TMEM130: variants seen among roughly 807,000 people sequenced by gnomAD.
TMEM130 encodes transmembrane protein 130.
Under a neutral mutation model 42.9 loss-of-function variants are expected in TMEM130, and 37 were observed. The observed-to-expected ratio is 0.86, with a 90% confidence interval of 0.66 to 1.13. The LOEUF (loss-of-function observed/expected upper bound fraction) is 1.13. Among genes scored for constraint, TMEM130 ranks in the 50% most tolerant of loss-of-function variants. The pLI is 0.00. For synonymous variants in TMEM130, 259 were observed against 237.7 expected (o/e 1.09, Z -0.82); for missense variants, 545 against 562.6 (o/e 0.97, Z 0.32).
rs1290884464 is a variant in TMEM130 at position 98,850,271 on chromosome 7, A to ATTTTTTTTT, written c.1006+1149_1006+1150insAAAAAAAAA. Among the ~76,000 whole-genome samples the ATTTTTTTTT allele has an allele frequency of 2.9e-3, 98 of 33,868 alleles. 1 individual carries two copies. Among genetic ancestry groups the ATTTTTTTTT allele is most frequent in the African/African-American group, 7.1e-3 (92 of 12,916 alleles). The allele number at this position is 33,868 out of a possible 152,430, so 22.2% of individuals were successfully genotyped here. On this transcript the variant is annotated intron_variant, in intron 6 of 7. Transcript: ENST00000339375. ...CTCTCATATATATATATATATATAT[A>ATTTTTTTTT]TATTTTTTTTTTTTTTTAATTTTTT...
chr7:98,867,994 T>A (rs1794946846), intron 1 of TMEM130, among the ~76,000 whole-genome samples: 2 of 152,194 alleles, frequency 1.3e-5, no homozygotes, highest in Admixed American at 1.3e-4. Context: ...TTTGGGAGGC[T>A]GAGACAGGTG....
At position 98,855,296 on chromosome 7, in the gene TMEM130, C is replaced by T; in HGVS notation, c.747G>A (p.Gly249=). The stretch of plus-strand genomic sequence containing the variant: ...TTTGGAAGGTCTGAATTAGGGTGGG[C>T]CCCAACACTTGGATGCCTCGAAGGG... ...QETLRGIQVL[G]PTLIQTFQKM... The change falls in exon 5 of 8, where the codon GGG becomes GGA. Residue 249 remains glycine (G), a synonymous_variant. Coordinates refer to ENST00000339375, the MANE Select transcript of TMEM130 (RefSeq NM_152913.3). 1 of 1,613,328 alleles carries T rather than the reference C, an allele frequency of 6.2e-7. No individual in the cohort carries two copies.
intron 6 of TMEM130, among the ~76,000 whole-genome samples, chr7:98,850,560 C>T (rs988089444): frequency 7.9e-5 from 12 of 151,840 alleles, no homozygotes; most frequent in East Asian, 3.9e-4. Flanking sequence ...ATTACAGGCA[C>T]GAGCCACCGC....
chr7:98,869,058 A>T lies in TMEM130; in HGVS notation c.85+719T>A. 1 of 625,084 alleles carries T rather than the reference A, an allele frequency of 1.6e-6. No homozygotes were observed. Among genetic ancestry groups the T allele is most frequent in the Non-Finnish European group, 2.2e-6 (1 of 444,616 alleles). The allele number at this position is 625,084 out of a possible 1,614,324, so 38.7% of individuals were successfully genotyped here. A position where few individuals can be genotyped will look rare whatever the true frequency, so the allele number is the denominator to read the frequency against. ...CAACCTTCTTAGCTGCCCACGTCCC[A>T]TCTGTCCCTCGAATAGTCTTAAATC... On this transcript the variant is annotated intron_variant, in intron 1 of 7. Coordinates refer to ENST00000339375, the MANE Select transcript of TMEM130 (RefSeq NM_152913.3). This position sits in a 1 kb window ranked among gnomAD's most constrained non-coding sequence, Gnocchi z 4.7.
rs781983674 is a variant in TMEM130 at position 98,848,119 on chromosome 7, A to G, written c.1209T>C (p.Ile403=). Residue 403 remains isoleucine, a synonymous_variant, in exon 8 of 8, where the codon ATT becomes ATC. Transcript: ENST00000339375. The part of the protein sequence containing the change: ...LLETPSEYLE[I]VRENHGLLPP... ...GGAGCAGCCCGTGGTTCTCACGAAC[A>G]ATTTCCAGGTACTCAGATGGAGTCT... The G allele has an allele frequency of 1.2e-6, 2 of 1,614,162 alleles. No individual in the cohort carries two copies. Among genetic ancestry groups the G allele is most frequent in the Non-Finnish European group, 8.5e-7 (1 of 1,180,020 alleles).
rs1794386275 is a variant in TMEM130 at position 98,847,553 on chromosome 7, A to C, written c.*503T>G. ...GTGTGTGTGTGTGTGGTGTGTGTAC[A>C]TGCACACTTCTCTCTGTGAGTGTGC... is the stretch of plus-strand genomic sequence containing the variant. On this transcript the variant is annotated 3_prime_UTR_variant, in exon 8 of 8. Transcript: ENST00000339375. The C allele has an allele frequency of 6.5e-6, 1 of 153,144 alleles. No individual in the cohort carries two copies. Among genetic ancestry groups the C allele is most frequent in the Non-Finnish European group, 1.4e-5 (1 of 69,022 alleles). 9.5% of individuals were successfully genotyped at this position (153,144 alleles called of 1,614,324 possible). A position where few individuals can be genotyped will look rare whatever the true frequency, so the allele number is the denominator to read the frequency against.
intron 5 of TMEM130, among the ~76,000 whole-genome samples, chr7:98,852,746 C>T (rs1554398468): frequency 6.6e-6 from 1 of 151,966 alleles, no homozygotes; most frequent in East Asian, 2.0e-4. Context: ...AGGCATGCAC[C>T]ACCGTGCCTG....
In TMEM130 at chr7:98,863,277, T is replaced by G. The variant is rs1584244552; in HGVS notation, c.209A>C (p.Tyr70Ser). The G allele has an allele frequency of 6.2e-7, 1 of 1,613,036 alleles. No individual in the cohort carries two copies. Among genetic ancestry groups the G allele is most frequent in the Non-Finnish European group, 8.5e-7 (1 of 1,179,786 alleles). The change falls in exon 2 of 8, where the codon TAC becomes TCC. Residue 70 changes from tyrosine to serine, a missense_variant. By Grantham distance (144) the Tyr-to-Ser change is moderately radical. Transcript: ENST00000339375. The stretch of plus-strand genomic sequence containing the variant: ...CGGGGTGTGGATCCAGTGGAAGCGG[T>G]AGAGGTGGGCGTCAGCGGGCAGGGC... Reference protein sequence around the residue: ...SLALPADAHLYRFHWIHTPLV... With the variant: ...SLALPADAHLSRFHWIHTPLV...
At position 98,869,401 on chromosome 7, in the gene TMEM130, C is replaced by T. The variant is rs1038312798; in HGVS notation, c.85+376G>A. On this transcript the variant is annotated intron_variant, in intron 1 of 7. Transcript: ENST00000339375. This position sits in a 1 kb window ranked among gnomAD's most constrained non-coding sequence, Gnocchi z 4.7. ...TCCCTGGGGGACTGGGGAATTGTGG[C>T]GCGATGACGGACCCTGGCGCATCCC... 18 of 1,196,702 alleles carry T rather than the reference C, an allele frequency of 1.5e-5. No individual in the cohort carries two copies. The African/African-American group carries it at 2.6e-4, about 17-fold the overall frequency. 74.1% of individuals were successfully genotyped at this position (1,196,702 alleles called of 1,614,324 possible).
Position 98,848,026 on chromosome 7 carries a change from A to T in TMEM130, c.*30T>A. Reference sequence around the variant, plus strand: ...GAAACTCCAAGTCAGCAGTCAGTTAACACTGAGATGGGGTGGGGAGGGGGA... The same window carrying T: ...GAAACTCCAAGTCAGCAGTCAGTTATCACTGAGATGGGGTGGGGAGGGGGA... On this transcript the variant is annotated 3_prime_UTR_variant, in exon 8 of 8. Transcript: ENST00000339375. 3 of 1,595,556 alleles carry T rather than the reference A, an allele frequency of 1.9e-6. No individual in the cohort carries two copies. The highest frequency in any genetic ancestry group is 2.6e-6 in the Non-Finnish European group (3 of 1,167,758).
chr7:98,850,480 T>C (rs1794474361), intron 6 of TMEM130, among the ~76,000 whole-genome samples: 1 of 151,390 alleles, frequency 6.6e-6, no homozygotes. Context: ...GGTTTTGCCA[T>C]GTTGGCCAGG....
chr7:98,863,162 CCAGA>C lies in TMEM130; in HGVS notation c.320_323del (p.Val107GlyfsTer50), dbSNP rs781841208. On this transcript the variant is annotated frameshift_variant, in exon 2 of 8. Coordinates refer to ENST00000339375, the MANE Select transcript of TMEM130 (RefSeq NM_152913.3). LOFTEE classifies it high-confidence loss of function. ...ACATCCAGCAGTCAGCGGCAGTGAC[CCAGA>C]CAGAGACCGGGAATTCCCCGGGCAC... 5.6e-6 allele frequency: 9 copies of C among 1,614,088 alleles called. No homozygotes were observed. The highest frequency in any genetic ancestry group is 1.7e-5 in the Admixed American group (1 of 60,024).
Position 98,851,290 on chromosome 7 carries a change from T to C in TMEM130, c.1006+131A>G. ...GAGTCAGTGGGGTTATGGATGGTGCTGATGCTAGCGGGCTTTGTTGCTGAG... is the reference window on the plus strand; with the variant it reads ...GAGTCAGTGGGGTTATGGATGGTGCCGATGCTAGCGGGCTTTGTTGCTGAG... On this transcript the variant is annotated intron_variant, in intron 6 of 7. Coordinates refer to ENST00000339375, the MANE Select transcript of TMEM130 (RefSeq NM_152913.3). 3.4e-6 allele frequency: 3 copies of C among 878,832 alleles called. No individual in the cohort carries two copies. The East Asian group carries it at 7.4e-5, about 22-fold the overall frequency. The allele number at this position is 878,832 out of a possible 1,614,324, so 54.4% of individuals were successfully genotyped here.
intron 1 of TMEM130, chr7:98,866,344 T>A (rs1475302491): frequency 1.3e-5 from 2 of 152,132 alleles, no homozygotes; most frequent in Non-Finnish European, 2.9e-5. Flanking sequence ...AATAAAATCA[T>A]ATCTCCCCAA....
Position 98,848,172 on chromosome 7 carries a change from GGCA to G in TMEM130, c.1153_1155del (p.Cys385del). 5 of 1,614,144 alleles carry G rather than the reference GGCA, an allele frequency of 3.1e-6. No individual in the cohort carries two copies. The highest frequency in any genetic ancestry group is 4.2e-6 in the Non-Finnish European group (5 of 1,180,020). ...AGCAAGAAAGGCCCACAGCACATCT[GGCA>G]GCAGCACCTGACCCCAGAGGGTGGC... is the stretch of plus-strand genomic sequence containing the variant. On this transcript the variant is annotated inframe_deletion, in exon 8 of 8. Transcript: ENST00000339375.
At chr7:98,861,850 C>A (rs1794778347) in intron 2 of TMEM130, among the ~76,000 whole-genome samples, 1 of 152,168 alleles carries the variant, frequency 6.6e-6, no homozygotes, top group African/African-American at 2.4e-5. Flanking sequence ...ACCACTGTTG[C>A]CATTTTGAAG....
chr7:98,856,255 G>A, intron 3 of TMEM130, 72 bp from the exon 4 acceptor site: 1 of 1,475,424 alleles, frequency 6.8e-7, no homozygotes, highest in Non-Finnish European at 9.3e-7. Context: ...ACTCAGAAGT[G>A]ATTCATGGGA....
At position 98,869,736 on chromosome 7, in the gene TMEM130, G is replaced by C; in HGVS notation, c.85+41C>G. 1 of 1,320,326 alleles carries C rather than the reference G, an allele frequency of 7.6e-7. No homozygotes were observed. The highest frequency in any genetic ancestry group is 9.7e-7 in the Non-Finnish European group (1 of 1,026,966). 81.8% of individuals were successfully genotyped at this position (1,320,326 alleles called of 1,614,324 possible). A position where few individuals can be genotyped will look rare whatever the true frequency, so the allele number is the denominator to read the frequency against. On this transcript the variant is annotated intron_variant, in intron 1 of 7. Transcript: ENST00000339375. The surrounding 1 kb of genome is among the most constrained non-coding windows in gnomAD (Gnocchi z 4.7). ...GCTGAGACGGTTCCAGGCCCCGGGCGGGCTGCGGCTGCAGGGAGGCCGGAT... is the reference window on the plus strand; with the variant it reads ...GCTGAGACGGTTCCAGGCCCCGGGCCGGCTGCGGCTGCAGGGAGGCCGGAT...
In TMEM130 at chr7:98,869,217, T is replaced by C; in HGVS notation, c.85+560A>G. The C allele has an allele frequency of 2.3e-6, 3 of 1,288,902 alleles. No homozygotes were observed. Among genetic ancestry groups the C allele is most frequent in the Non-Finnish European group, 3.0e-6 (3 of 988,672 alleles). 79.8% of individuals were successfully genotyped at this position (1,288,902 alleles called of 1,614,324 possible). On this transcript the variant is annotated intron_variant, in intron 1 of 7. Transcript: ENST00000339375. This position sits in a 1 kb window ranked among gnomAD's most constrained non-coding sequence, Gnocchi z 4.7. Reference sequence around the variant, plus strand: ...CCCACACACACACCCCAGGAACCTGTCAGCTCCGGGTCCATTTTGGAAATC... The same window carrying C: ...CCCACACACACACCCCAGGAACCTGCCAGCTCCGGGTCCATTTTGGAAATC...
Sources: gnomAD v4.1 joint callset for allele counts (sites outside exome capture counted in the v4.1 genomes callset) on GRCh38, gnomAD v4.1.1 for gene constraint, Gnocchi (gnomAD v3.1) non-coding constraint, MANE v1.5 for transcripts, NCBI Gene and HGNC (gene_info 2026-07-23, HGNC 2026-07-21) for gene names.